Variants in SNTG2 observed in about 807,000 individuals in gnomAD.
SNTG2 encodes gamma-2-syntrophin.
A neutral mutation model predicts 70.9 loss-of-function variants in SNTG2; 74 were observed. That is an observed-to-expected ratio of 1.04 (90% CI 0.86 to 1.27). The LOEUF is 1.27. SNTG2 is among the 50% of genes most tolerant of loss of function. The pLI is 0.00. For missense variants in SNTG2, 717 were observed against 690.7 expected, an observed-to-expected ratio of 1.04 and a Z score of -0.43; for synonymous variants, 278 against 273.8, an observed-to-expected ratio of 1.02 and a Z score of -0.15.
intron 4 of SNTG2, among the ~76,000 whole-genome samples, chr2:1,104,017 A>G (rs541465777): frequency 2.0e-5 from 3 of 152,348 alleles, no homozygotes; most frequent in Admixed American, 1.3e-4. Context: ...CAGGCATTCT[A>G]TGACCTTTAA....
chr2:1,083,885 C>T (rs952872234), intron 2 of SNTG2, among the ~76,000 whole-genome samples: 3 of 152,048 alleles, frequency 2.0e-5, no homozygotes, highest in African/African-American at 4.8e-5. Context: ...TAAAGCTTTA[C>T]GTAAAAAATA....
At chr2:1,239,305 C>T (rs1676896174) in intron 10 of SNTG2, among the ~76,000 whole-genome samples, 1 of 152,186 alleles carries the variant, frequency 6.6e-6, no homozygotes, top group African/African-American at 2.4e-5. Context: ...TGCACCTCCA[C>T]TTCCTCGGTG....
At chr2:1,150,556 T>G (rs1669411162) in intron 6 of SNTG2, among the ~76,000 whole-genome samples, 1 of 151,682 alleles carries the variant, frequency 6.6e-6, no homozygotes, top group South Asian at 2.1e-4. Flanking sequence ...CAGGATGGGG[T>G]CAGGCCAAGA....
intron 1 of SNTG2, among the ~76,000 whole-genome samples, chr2:1,075,217 A>G (rs1276085284): frequency 6.6e-6 from 1 of 152,218 alleles, no homozygotes; most frequent in Non-Finnish European, 1.5e-5. Flanking sequence ...GTGCTCACTG[A>G]GTCCCCAGCC....
chr2:1,215,795 A>C (rs917036957), intron 9 of SNTG2, among the ~76,000 whole-genome samples: 1 of 149,434 alleles, frequency 6.7e-6, no homozygotes, highest in African/African-American at 2.5e-5. Flanking sequence ...ATGAGTGAGA[A>C]CATGCAGTGT....
At chr2:1,366,756 C>T (rs764736034) in intron 16 of SNTG2, among the ~76,000 whole-genome samples, 2 of 151,958 alleles carry the variant, frequency 1.3e-5, no homozygotes, top group African/African-American at 4.8e-5. Context: ...CCCACACGCA[C>T]CCACACAGCA....
Position 1,165,547 on chromosome 2 carries a change from G to A in SNTG2, c.412-1G>A, listed in dbSNP as rs769083432. ...AGTAGCTATTTTTGTCATATTGACA[G>A]GTGCATCTGCTGAGAAATGCTGGCG... On this transcript the variant is annotated splice_acceptor_variant, in intron 6 of 16. Coordinates refer to ENST00000308624, the MANE Select transcript of SNTG2 (RefSeq NM_018968.4). LOFTEE classifies it high-confidence loss of function. The A allele has an allele frequency of 5.0e-6, 8 of 1,611,078 alleles. No individual in the cohort carries two copies. Among genetic ancestry groups the A allele is most frequent in the Non-Finnish European group, 6.8e-6 (8 of 1,178,886 alleles).
chr2:960,176 T>C lies in SNTG2; in HGVS notation c.72+9108T>C, dbSNP rs1394507538. On this transcript the variant is annotated intron_variant, in intron 1 of 16. Coordinates refer to ENST00000308624, the MANE Select transcript of SNTG2 (RefSeq NM_018968.4). ...TTAATGACACGGTCCTTTGCCCTTCTGTCTGGAAAGCAGCACCTGTCCTTG... is the reference window on the plus strand; with the variant it reads ...TTAATGACACGGTCCTTTGCCCTTCCGTCTGGAAAGCAGCACCTGTCCTTG... 2.6e-5 allele frequency among the ~76,000 whole-genome samples: 4 copies of C among 152,308 alleles called. No individual in the cohort carries two copies. In the East Asian group the frequency reaches 7.7e-4, roughly 29 times the overall value.
intron 1 of SNTG2, among the ~76,000 whole-genome samples, chr2:992,109 T>C (rs1372867858): frequency 6.6e-6 from 1 of 152,224 alleles, no homozygotes; most frequent in African/African-American, 2.4e-5. Flanking sequence ...TAACCTCAGA[T>C]AGGATTTTCT....
At chr2:1,288,065 A>G (rs1679839586) in intron 14 of SNTG2, among the ~76,000 whole-genome samples, 1 of 152,214 alleles carries the variant, frequency 6.6e-6, no homozygotes, top group African/African-American at 2.4e-5. Flanking sequence ...ATAGGATAAT[A>G]GAATTAATCC....
chr2:1,235,233 AG>A (rs1398846136), intron 9 of SNTG2, among the ~76,000 whole-genome samples: 1 of 130,788 alleles, frequency 7.6e-6, no homozygotes, highest in South Asian at 2.8e-4. Flanking sequence ...GATTCATGAG[AG>A]GGGGCGCCCC....
chr2:1,261,539 T>C (rs1444768670), intron 13 of SNTG2, among the ~76,000 whole-genome samples: 1 of 152,176 alleles, frequency 6.6e-6, no homozygotes, highest in Non-Finnish European at 1.5e-5. Flanking sequence ...TCAGCCTTGA[T>C]TGCAGTCGTG....
At position 1,091,722 on chromosome 2, in the gene SNTG2, C is replaced by G. The variant is rs138248817; in HGVS notation, c.211-6474C>G. ...TCAAGAAGGTGGAATACTATGGAAT[C>G]ATTGAATTTTTAAAATTTAGGAGTT... On this transcript the variant is annotated intron_variant, in intron 2 of 16. Transcript: ENST00000308624. 1.5e-3 allele frequency among the ~76,000 whole-genome samples: 228 copies of G among 152,304 alleles called. 2 individuals are homozygous for G. The highest frequency in any genetic ancestry group is 5.3e-3 in the African/African-American group (219 of 41,572).
chr2:960,236 A>C (rs1033071540), intron 1 of SNTG2, among the ~76,000 whole-genome samples: 1 of 152,102 alleles, frequency 6.6e-6, no homozygotes, highest in Non-Finnish European at 1.5e-5. Context: ...CTAGGGTGAC[A>C]GTGTTGCTTA....
intron 6 of SNTG2, chr2:1,161,550 G>C (rs1406644297): frequency 6.6e-6 from 1 of 152,220 alleles, no homozygotes; most frequent in Non-Finnish European, 1.5e-5. Flanking sequence ...TTCCAGGAGG[G>C]AGAAATCTTT....
chr2:1,158,678 A>AATT (rs1670063361), intron 6 of SNTG2, among the ~76,000 whole-genome samples: 1 of 152,080 alleles, frequency 6.6e-6, no homozygotes, highest in Non-Finnish European at 1.5e-5. Flanking sequence ...GGTGTGAGAG[A>AATT]ATTAAAGGTG....
chr2:1,237,156 T>C (rs1017018460), intron 9 of SNTG2, among the ~76,000 whole-genome samples: 1 of 152,088 alleles, frequency 6.6e-6, no homozygotes, highest in Non-Finnish European at 1.5e-5. Flanking sequence ...TTGGCCAGGC[T>C]GATTTCGAAC....
chr2:981,697 A>T (rs1358179680), intron 1 of SNTG2, among the ~76,000 whole-genome samples: 1 of 152,222 alleles, frequency 6.6e-6, no homozygotes, highest in Non-Finnish European at 1.5e-5. Context: ...GCACACATAT[A>T]CACATGCACA....
chr2:1,247,962 C>T (rs1677532508), intron 12 of SNTG2, among the ~76,000 whole-genome samples: 1 of 152,094 alleles, frequency 6.6e-6, no homozygotes, highest in Non-Finnish European at 1.5e-5. Context: ...ACCATTCTCC[C>T]CAAACTGACT....
Sources: gnomAD v4.1 joint callset for allele counts (sites outside exome capture counted in the v4.1 genomes callset) on GRCh38, gnomAD v4.1.1 for gene constraint, MANE v1.5 for transcripts, NCBI Gene and HGNC (gene_info 2026-07-23, HGNC 2026-07-21) for gene names.